TTC28: variants seen among roughly 807,000 people sequenced by gnomAD.
TTC28 encodes tetratricopeptide repeat protein 28.
In TTC28, 61 loss-of-function variants were observed where a neutral mutation model predicts 198.0. That is an observed-to-expected ratio of 0.31 (90% CI 0.25 to 0.38). TTC28 has a LOEUF of 0.38. Ranked by LOEUF, TTC28 falls within the 10% of genes least tolerant of loss-of-function variation. The pLI is 1.00. For synonymous variants in TTC28, 1,171 were observed against 1,297.8 expected (o/e 0.90, Z 2.10); for missense variants, 2,678 against 3,164.0 (o/e 0.85, Z 3.69).
At chr22:28,185,964 C>CA (rs1231166435) in intron 5 of TTC28, among the ~76,000 whole-genome samples, 1 of 152,036 alleles carries the variant, frequency 6.6e-6, no homozygotes, top group East Asian at 1.9e-4. Flanking sequence ...ACAAGAAAAA[C>CA]AAAAAATGAG....
chr22:28,119,164 T>C (rs1942718549), intron 6 of TTC28, among the ~76,000 whole-genome samples: 1 of 152,220 alleles, frequency 6.6e-6, no homozygotes, highest in Admixed American at 6.5e-5. Context: ...TTCCCGGCTC[T>C]ACTACTTCAT....
At chr22:28,225,045 A>G (rs1257124478) in intron 5 of TTC28, among the ~76,000 whole-genome samples, 8 of 152,108 alleles carry the variant, frequency 5.3e-5, no homozygotes, top group Non-Finnish European at 7.4e-5. Flanking sequence ...CAATCAAATA[A>G]TAAACCTTAC....
At chr22:28,075,918 C>T (rs754765894) in intron 12 of TTC28, among the ~76,000 whole-genome samples, 9 of 152,190 alleles carry the variant, frequency 5.9e-5, no homozygotes, top group South Asian at 2.1e-4. Flanking sequence ...TGCTCCACAC[C>T]GTGAGCTACT....
At chr22:28,081,968 C>T (rs183417202) in intron 12 of TTC28, among the ~76,000 whole-genome samples, 5 of 152,198 alleles carry the variant, frequency 3.3e-5, no homozygotes, top group South Asian at 2.1e-4. Context: ...GGGTCTTTCC[C>T]TTCCTTGGTT....
intron 5 of TTC28, among the ~76,000 whole-genome samples, chr22:28,185,837 ATGAC>A (rs1256916267): frequency 2.6e-5 from 4 of 152,172 alleles, no homozygotes; most frequent in Non-Finnish European, 4.4e-5. Flanking sequence ...CAAATATTAA[ATGAC>A]TGGTCCAAAG....
intron 5 of TTC28, among the ~76,000 whole-genome samples, chr22:28,197,676 G>GA (rs1021645072): frequency 2.0e-5 from 3 of 151,978 alleles, no homozygotes; most frequent in African/African-American, 7.2e-5. Flanking sequence ...AAAATTTCCT[G>GA]AAAAAAGTAT....
At chr22:28,456,898 C>T (rs1050547687) in intron 2 of TTC28, among the ~76,000 whole-genome samples, 8 of 152,134 alleles carry the variant, frequency 5.3e-5, no homozygotes, top group African/African-American at 1.7e-4. Context: ...ATATGTGTCA[C>T]GAGCTACCAC....
chr22:28,426,513 C>T (rs1030801861), intron 2 of TTC28, among the ~76,000 whole-genome samples: 1 of 152,090 alleles, frequency 6.6e-6, no homozygotes, highest in Non-Finnish European at 1.5e-5. Flanking sequence ...AAAATAGTTA[C>T]ATTCTAACCC....
intron 2 of TTC28, among the ~76,000 whole-genome samples, chr22:28,444,118 G>A (rs534192362): frequency 6.6e-6 from 1 of 152,120 alleles, no homozygotes; most frequent in East Asian, 1.9e-4. Flanking sequence ...TCCTATTTAA[G>A]GAGATACATC....
chr22:28,129,373 T>C (rs1943001778), intron 6 of TTC28, among the ~76,000 whole-genome samples: 1 of 152,242 alleles, frequency 6.6e-6, no homozygotes, highest in Non-Finnish European at 1.5e-5. Flanking sequence ...TGTTTTGTAA[T>C]GCTCCCCAGG....
intron 1 of TTC28, among the ~76,000 whole-genome samples, chr22:28,661,476 G>C (rs1167099940): frequency 6.6e-6 from 1 of 152,132 alleles, no homozygotes; most frequent in East Asian, 1.9e-4. Context: ...CTACAGTGCA[G>C]TGGTGCCAAC....
At chr22:28,619,258 C>T (rs192592790) in intron 2 of TTC28, among the ~76,000 whole-genome samples, 30 of 152,178 alleles carry the variant, frequency 2.0e-4, no homozygotes, top group Non-Finnish European at 2.5e-4. Flanking sequence ...GTGCTACGTG[C>T]CTAACATTTT....
intron 2 of TTC28, among the ~76,000 whole-genome samples, chr22:28,516,081 G>T (rs1240234546): frequency 6.6e-6 from 1 of 151,786 alleles, no homozygotes; most frequent in African/African-American, 2.4e-5. Flanking sequence ...AGGAGGCGGA[G>T]GTTGCAGTGA....
intron 5 of TTC28, among the ~76,000 whole-genome samples, chr22:28,206,513 G>A (rs1310645721): frequency 3.3e-5 from 5 of 152,138 alleles, no homozygotes; most frequent in African/African-American, 4.8e-5. Context: ...AGTTTATCAC[G>A]TTGCTCAGAC....
intron 6 of TTC28, among the ~76,000 whole-genome samples, chr22:28,108,723 C>T (rs534324056): frequency 3.3e-5 from 5 of 152,178 alleles, no homozygotes; most frequent in South Asian, 2.1e-4. Flanking sequence ...ATAGCCATTG[C>T]GTATAAAGAG....
chr22:28,543,049 T>C (rs536877864), intron 2 of TTC28, among the ~76,000 whole-genome samples: 7 of 152,188 alleles, frequency 4.6e-5, no homozygotes, highest in African/African-American at 1.7e-4. Context: ...CAAGGACAAA[T>C]AGAGGCCAGT....
At chr22:28,071,977 C>T (rs559562122) in intron 12 of TTC28, among the ~76,000 whole-genome samples, 1 of 152,256 alleles carries the variant, frequency 6.6e-6, no homozygotes, top group Non-Finnish European at 1.5e-5. Flanking sequence ...GGAAGAGTTT[C>T]ATAAGCTGGC....
At position 28,445,522 on chromosome 22, in the gene TTC28, G is replaced by A. The variant is rs911322651; in HGVS notation, c.382-138879C>T. 5.3e-5 allele frequency among the ~76,000 whole-genome samples: 8 copies of A among 152,262 alleles called. No homozygotes were observed. The East Asian group carries it at 1.4e-3, about 26-fold the overall frequency. On this transcript the variant is annotated intron_variant, in intron 2 of 22. Coordinates refer to ENST00000397906, the MANE Select transcript of TTC28 (RefSeq NM_001145418.2). ...AGCCAAAAGCCAAGGTTCTTACCATGGACTGTAATGCCCTTCAAGATCTGG... is the reference window on the plus strand; with the variant it reads ...AGCCAAAAGCCAAGGTTCTTACCATAGACTGTAATGCCCTTCAAGATCTGG...
rs904555621 is a variant in TTC28 at position 28,437,237 on chromosome 22, T to C, written c.382-130594A>G. The stretch of plus-strand genomic sequence containing the variant: ...TGCTGGGTTAACAAGCATGCACCAC[T>C]ATTCCTGGCTAATTTTTGTATTTTT... On this transcript the variant is annotated intron_variant, in intron 2 of 22. Transcript: ENST00000397906. 2.0e-5 allele frequency among the ~76,000 whole-genome samples: 3 copies of C among 152,012 alleles called. No homozygotes were observed. In the East Asian group the frequency reaches 5.8e-4, roughly 29 times the overall value.
Sources: allele counts gnomAD v4.1 joint callset (sites outside exome capture counted in the v4.1 genomes callset), GRCh38; gene constraint gnomAD v4.1.1; transcripts MANE v1.5; gene names NCBI Gene and HGNC (gene_info 2026-07-23, HGNC 2026-07-21).